PIK3C2G: variants seen among roughly 807,000 people sequenced by gnomAD.
PIK3C2G encodes the protein phosphatidylinositol-4-phosphate 3-kinase catalytic subunit type 2 gamma, also known as phosphatidylinositol 3-kinase C2 domain-containing subunit gamma.
In PIK3C2G, 168 loss-of-function variants were observed where a neutral mutation model predicts 181.1. The ratio of observed to expected loss-of-function variants is 0.93; its 90% CI spans 0.82 to 1.05. The LOEUF is 1.05. Among genes scored for constraint, PIK3C2G ranks in the 50% least tolerant of loss-of-function variants. The pLI, the probability that PIK3C2G is intolerant of heterozygous loss-of-function variation, is 0.00. For synonymous variants in PIK3C2G, 573 were observed against 592.2 expected, an observed-to-expected ratio of 0.97 and a Z score of 0.47; for missense variants, 1,869 against 1,732.8, an observed-to-expected ratio of 1.08 and a Z score of -1.40.
chr12:18,712,798 G>T, the PIK3C2G span: 14 of 1,596,310 alleles, frequency 8.8e-6, no homozygotes, highest in Admixed American at 1.7e-5. Context: ...AATTAGAATT[G>T]CTTCTGTTTA....
At chr12:18,602,152 C>T (rs545426159) in intron 30 of PIK3C2G, among the ~76,000 whole-genome samples, 2 of 152,146 alleles carry the variant, frequency 1.3e-5, no homozygotes, top group South Asian at 2.1e-4. Context: ...ACTTTTCGAG[C>T]CTGACTCGCC....
intron 15 of PIK3C2G, among the ~76,000 whole-genome samples, chr12:18,393,711 G>A (rs1943686377): frequency 1.3e-5 from 2 of 152,002 alleles, no homozygotes; most frequent in African/African-American, 2.4e-5. Flanking sequence ...AAATAGATAC[G>A]AAGCAACTGT....
At chr12:18,560,444 T>C (rs570463803) in intron 26 of PIK3C2G, among the ~76,000 whole-genome samples, 172 of 152,004 alleles carry the variant, frequency 1.1e-3, no homozygotes, top group African/African-American at 4.1e-3. Context: ...AGACCACAAT[T>C]AGGAAACCTC....
chr12:18,282,793 A>T, intron 2 of PIK3C2G, 34 bp downstream of exon 2: 4 of 1,286,258 alleles, frequency 3.1e-6, no homozygotes, highest in Non-Finnish European at 4.3e-6. Flanking sequence ...AAAAATATGA[A>T]TCTGAAAGAA....
chr12:18,715,184 GGA>G, the PIK3C2G span, among the ~76,000 whole-genome samples: 1 of 9,378 alleles, frequency 1.1e-4, no homozygotes, highest in Non-Finnish European at 4.3e-4. Flanking sequence ...GGGGGGGGGC[GGA>G]GGGAGGGAGA....
At chr12:18,369,275 T>A (rs1941860868) in intron 12 of PIK3C2G, among the ~76,000 whole-genome samples, 1 of 152,190 alleles carries the variant, frequency 6.6e-6, no homozygotes, top group African/African-American at 2.4e-5. Flanking sequence ...GTTCCAGTTT[T>A]CTCATTCCTC....
intron 1 of PIK3C2G, among the ~76,000 whole-genome samples, chr12:18,263,734 T>G (rs1158496408): frequency 6.6e-6 from 1 of 152,186 alleles, no homozygotes; most frequent in African/African-American, 2.4e-5. Flanking sequence ...TATTACAAAT[T>G]GCCTGTGATA....
intron 24 of PIK3C2G, among the ~76,000 whole-genome samples, chr12:18,511,080 T>G (rs1424622945): frequency 8.1e-6 from 1 of 123,758 alleles, no homozygotes; most frequent in Non-Finnish European, 1.7e-5. Flanking sequence ...TGAGATCATG[T>G]GATTTTTTCT....
chr12:18,520,020 A>T (rs1208297477), intron 24 of PIK3C2G, among the ~76,000 whole-genome samples: 4 of 151,132 alleles, frequency 2.6e-5, no homozygotes, highest in Non-Finnish European at 5.9e-5. Flanking sequence ...AAAAAAAAAA[A>T]AAAAAAGAAT....
chr12:18,559,813 TATATATATAG>T (rs1272813645), intron 26 of PIK3C2G, among the ~76,000 whole-genome samples: 19 of 27,964 alleles, frequency 6.8e-4, no homozygotes, highest in African/African-American at 1.1e-3. Context: ...TATATATATA[TATATATATAG>T]AGAGAGAGAG....
the PIK3C2G span, chr12:18,723,611 T>C: frequency 8.6e-7 from 1 of 1,158,996 alleles, no homozygotes; most frequent in South Asian, 1.3e-5. Context: ...TATTAGAGTA[T>C]TTATGTAACA....
At chr12:18,283,901 T>C (rs1949329588) in intron 2 of PIK3C2G, among the ~76,000 whole-genome samples, 1 of 152,104 alleles carries the variant, frequency 6.6e-6, no homozygotes, top group Non-Finnish European at 1.5e-5. Context: ...AAGCAAGCCC[T>C]GTGATCATCT....
chr12:18,393,880 A>G (rs948611043), intron 15 of PIK3C2G, among the ~76,000 whole-genome samples: 2 of 152,122 alleles, frequency 1.3e-5, no homozygotes. Context: ...AAAAAGGCAG[A>G]ATTTAGAGTT....
At chr12:18,365,156 C>T (rs190563939) in intron 12 of PIK3C2G, among the ~76,000 whole-genome samples, 1 of 152,146 alleles carries the variant, frequency 6.6e-6, no homozygotes, top group South Asian at 2.1e-4. Flanking sequence ...AGCATTTAGA[C>T]CCACTGTGAC....
At chr12:18,506,139 A>G (rs1413496709) in intron 24 of PIK3C2G, among the ~76,000 whole-genome samples, 1 of 152,198 alleles carries the variant, frequency 6.6e-6, no homozygotes, top group East Asian at 1.9e-4. Context: ...TGACCACCTC[A>G]TGGAGATCCA....
At chr12:18,726,681 T>C in the PIK3C2G span, among the ~76,000 whole-genome samples, 5 of 152,186 alleles carry the variant, frequency 3.3e-5, no homozygotes, top group Non-Finnish European at 7.3e-5. Context: ...AGTAAAAATA[T>C]GAAATGTTAT....
chr12:18,501,394 C>T (rs1329544935), intron 22 of PIK3C2G, among the ~76,000 whole-genome samples: 1 of 152,164 alleles, frequency 6.6e-6, no homozygotes, highest in African/African-American at 2.4e-5. Context: ...ATCATGAGAA[C>T]AGCATGGGGG....
chr12:18,341,510 T>A (rs1053207187), intron 9 of PIK3C2G, among the ~76,000 whole-genome samples: 3 of 152,180 alleles, frequency 2.0e-5, no homozygotes, highest in Non-Finnish European at 4.4e-5. Context: ...GTTTATTTAA[T>A]ATATGTCAAT....
chr12:18,479,944 G>C (rs912668121), intron 18 of PIK3C2G, among the ~76,000 whole-genome samples: 1 of 152,160 alleles, frequency 6.6e-6, no homozygotes, highest in Non-Finnish European at 1.5e-5. Context: ...ATCCCACTGA[G>C]AATATGAGTA....
Sources: gnomAD v4.1 joint callset for allele counts (sites outside exome capture counted in the v4.1 genomes callset) on GRCh38, gnomAD v4.1.1 for gene constraint, MANE v1.5 for transcripts, NCBI Gene and HGNC (gene_info 2026-07-23, HGNC 2026-07-21) for gene names.